The following CDH12 variants were observed in gnomAD, a reference collection of about 807,000 sequenced individuals.
The protein encoded by CDH12 is cadherin 12.
Under a neutral mutation model 74.1 loss-of-function variants are expected in CDH12, and 41 were observed. The observed-to-expected ratio is 0.55, with a 90% CI of 0.43 to 0.72. The LOEUF (loss-of-function observed/expected upper bound fraction) is 0.72, where lower values mean the gene tolerates loss of function less well. CDH12 is among the 30% of genes least tolerant of loss of function. The pLI is 0.00. For synonymous variants in CDH12, 399 were observed against 355.0 expected (o/e 1.12, Z -1.39); for missense variants, 945 against 977.2 (o/e 0.97, Z 0.44).
At chr5:22,275,811 T>C (rs1004567339) in intron 3 of CDH12, among the ~76,000 whole-genome samples, 8 of 152,138 alleles carry the variant, frequency 5.3e-5, no homozygotes, top group African/African-American at 1.2e-4. Context: ...AGAGAGTTAA[T>C]AGAAACTGTT....
chr5:22,278,162 G>T (rs899396537), intron 3 of CDH12: 1 of 152,114 alleles, frequency 6.6e-6, no homozygotes, highest in African/African-American at 2.4e-5. Flanking sequence ...ACATATTGTA[G>T]CTAAAAACAA....
intron 1 of CDH12, among the ~76,000 whole-genome samples, chr5:22,599,918 T>C (rs889799629): frequency 2.6e-5 from 4 of 152,192 alleles, no homozygotes; most frequent in African/African-American, 9.6e-5. Flanking sequence ...GCTGTGATTA[T>C]TGTGGATTTA....
intron 9 of CDH12, among the ~76,000 whole-genome samples, chr5:21,809,016 G>C (rs964791853): frequency 6.6e-6 from 1 of 151,904 alleles, no homozygotes; most frequent in Non-Finnish European, 1.5e-5. Context: ...AAAAGTGTTT[G>C]TAAACAAAAA....
At chr5:22,621,398 C>T (rs1208700070) in intron 1 of CDH12, among the ~76,000 whole-genome samples, 1 of 151,982 alleles carries the variant, frequency 6.6e-6, no homozygotes, top group Non-Finnish European at 1.5e-5. Flanking sequence ...ATTCAAAGGA[C>T]TATTAGACTT....
rs749708189 is a variant in CDH12 at position 21,752,090 on chromosome 5, G to A, written c.2032C>T (p.Leu678=). 1 of 1,614,072 alleles carries A rather than the reference G, an allele frequency of 6.2e-7. No homozygotes were observed. Among genetic ancestry groups the A allele is most frequent in the East Asian group, 2.2e-5 (1 of 44,876 alleles). ...EDTQAFDIGA[L]RNPKVIEENK... ...TCCTCAATCACTTTTGGGTTTCTCA[G>A]AGCCCCGATGTCGAAAGCCTGGGTA... is the stretch of plus-strand genomic sequence containing the variant. The change falls in exon 15 of 15, where the codon CTG becomes TTG. Residue 678 remains leucine (L), a synonymous_variant. Transcript: ENST00000382254.
chr5:21,882,268 A>G (rs1423380359), intron 6 of CDH12, among the ~76,000 whole-genome samples: 4 of 152,212 alleles, frequency 2.6e-5, no homozygotes, highest in African/African-American at 9.6e-5. Context: ...TGTGACGTAT[A>G]TTTAATTTGC....
intron 1 of CDH12, among the ~76,000 whole-genome samples, chr5:22,672,150 AT>A (rs1351916650): frequency 7.1e-6 from 1 of 140,336 alleles, no homozygotes; most frequent in African/African-American, 2.6e-5. Context: ...TATATTTATT[AT>A]ATATATTATA....
At chr5:22,691,852 TAGA>T (rs1049046751) in intron 1 of CDH12, among the ~76,000 whole-genome samples, 10 of 151,746 alleles carry the variant, frequency 6.6e-5, no homozygotes, top group African/African-American at 2.4e-4. Flanking sequence ...AAATGATAAA[TAGA>T]AGAACAGAAA....
intron 3 of CDH12, among the ~76,000 whole-genome samples, chr5:22,229,883 G>A (rs111875862): frequency 6.6e-6 from 1 of 151,188 alleles, no homozygotes; most frequent in South Asian, 2.1e-4. Flanking sequence ...ACACACACAG[G>A]GTAGACACTT....
At chr5:22,411,066 G>C (rs986458338) in intron 2 of CDH12, among the ~76,000 whole-genome samples, 2 of 151,928 alleles carry the variant, frequency 1.3e-5, no homozygotes, top group Non-Finnish European at 2.9e-5. Flanking sequence ...TGACACCTCT[G>C]ATTGTAAAGT....
At chr5:22,155,356 G>C (rs540427131) in intron 4 of CDH12, among the ~76,000 whole-genome samples, 2 of 152,160 alleles carry the variant, frequency 1.3e-5, no homozygotes, top group Admixed American at 1.3e-4. Flanking sequence ...TGTTCAAGGA[G>C]AGGTGGCATA....
At chr5:22,662,388 T>A (rs1442946286) in intron 1 of CDH12, among the ~76,000 whole-genome samples, 1 of 151,998 alleles carries the variant, frequency 6.6e-6, no homozygotes, top group African/African-American at 2.4e-5. Flanking sequence ...TATGAAAGAA[T>A]CATGCAGATA....
At chr5:22,549,683 A>G (rs1201878590) in intron 1 of CDH12, among the ~76,000 whole-genome samples, 1 of 152,172 alleles carries the variant, frequency 6.6e-6, no homozygotes, top group African/African-American at 2.4e-5. Flanking sequence ...GAAATATTTC[A>G]TAATTTGTAC....
intron 4 of CDH12, among the ~76,000 whole-genome samples, chr5:22,110,096 C>T (rs1744718960): frequency 6.6e-6 from 1 of 152,140 alleles, no homozygotes; most frequent in African/African-American, 2.4e-5. Context: ...AATCTCCTGT[C>T]CTTCATAATA....
intron 1 of CDH12, among the ~76,000 whole-genome samples, chr5:22,835,571 T>C (rs1736783966): frequency 6.6e-6 from 1 of 152,198 alleles, no homozygotes; most frequent in Admixed American, 6.5e-5. Flanking sequence ...TGATTATTCA[T>C]TAGTCATGAT....
chr5:22,804,621 C>A (rs1370896301), intron 1 of CDH12, among the ~76,000 whole-genome samples: 1 of 152,126 alleles, frequency 6.6e-6, no homozygotes, highest in Non-Finnish European at 1.5e-5. Context: ...CTCTTAAAGC[C>A]TTTAAATGAT....
chr5:22,759,392 G>T (rs1404451158), intron 1 of CDH12, among the ~76,000 whole-genome samples: 1 of 151,970 alleles, frequency 6.6e-6, no homozygotes, highest in Non-Finnish European at 1.5e-5. Context: ...CTGTTTTGGG[G>T]TTAAAAAGTA....
At chr5:22,138,676 CT>C (rs1746595445) in intron 4 of CDH12, among the ~76,000 whole-genome samples, 1 of 149,986 alleles carries the variant, frequency 6.7e-6, no homozygotes. Context: ...TGAGTCATAT[CT>C]GCAGGATCTT....
At chr5:22,780,612 G>GC (rs1199452962) in intron 1 of CDH12, among the ~76,000 whole-genome samples, 1 of 151,980 alleles carries the variant, frequency 6.6e-6, no homozygotes, top group Non-Finnish European at 1.5e-5. Flanking sequence ...GGGGATAACT[G>GC]CCCCCATGAT....
Sources: allele counts gnomAD v4.1 joint callset (sites outside exome capture counted in the v4.1 genomes callset), GRCh38; gene constraint gnomAD v4.1.1; transcripts MANE v1.5; gene names NCBI Gene and HGNC (gene_info 2026-07-23, HGNC 2026-07-21).